KCNQ3: variants seen among roughly 807,000 people sequenced by gnomAD.
KCNQ3 encodes the protein potassium voltage-gated channel subfamily Q member 3.
Under a neutral mutation model 92.5 loss-of-function variants are expected in KCNQ3, and 30 were observed. The ratio of observed to expected loss-of-function variants is 0.32; its 90% confidence interval spans 0.24 to 0.44. KCNQ3 has a LOEUF of 0.44. KCNQ3 is among the 20% of genes least tolerant of loss of function. The pLI is 1.00. For synonymous variants in KCNQ3, 450 were observed against 468.8 expected, an observed-to-expected ratio of 0.96 and a Z score of 0.52; for missense variants, 913 against 1,140.3, an observed-to-expected ratio of 0.80 and a Z score of 2.87.
chr8:132,469,317 G>T lies in KCNQ3; in HGVS notation c.386+10830C>A, dbSNP rs1451857465. Among the ~76,000 whole-genome samples the T allele has an allele frequency of 2.6e-5, 4 of 152,206 alleles. 1 individual carries two copies. Among genetic ancestry groups the T allele is most frequent in the African/African-American group, 9.7e-5 (4 of 41,446 alleles). On this transcript the variant is annotated intron_variant, in intron 1 of 14. Coordinates refer to ENST00000388996, the MANE Select transcript of KCNQ3 (RefSeq NM_004519.4). ...AAGGTCCTAATTGTGGGGCCCACCT[G>T]ATCCTTCTACAGCTTTAGGAAAATA... is the stretch of plus-strand genomic sequence containing the variant.
In KCNQ3 at chr8:132,175,598, G is replaced by A. The variant is rs1479652323; in HGVS notation, c.788C>T (p.Thr263Met). Reference protein sequence around the residue: ...AICAHSKELITAWYIGFLTLI... With the variant: ...AICAHSKELIMAWYIGFLTLI... ...TGTCAGGAAACCGATGTACCAGGCCGTGATGAGTTCCTGAAAGAATGAACA... is the reference window on the plus strand; with the variant it reads ...TGTCAGGAAACCGATGTACCAGGCCATGATGAGTTCCTGAAAGAATGAACA... The change falls in exon 5 of 15, where the codon ACG becomes ATG. Residue 263 changes from threonine (T) to methionine (M), a missense_variant. By Grantham distance (81) the Thr-to-Met change is moderately conservative (BLOSUM62 -1). Transcript: ENST00000388996. 1.2e-6 allele frequency: 2 copies of A among 1,614,080 alleles called. No individual in the cohort carries two copies. Among genetic ancestry groups the A allele is most frequent in the Non-Finnish European group, 1.7e-6 (2 of 1,179,962 alleles).
intron 1 of KCNQ3, among the ~76,000 whole-genome samples, chr8:132,274,053 G>C (rs1816247559): frequency 6.6e-6 from 1 of 152,178 alleles, no homozygotes; most frequent in African/African-American, 2.4e-5. Context: ...TTCCAAAGTT[G>C]CTTCCACATT....
At chr8:132,208,472 T>C (rs544189840) in intron 1 of KCNQ3, among the ~76,000 whole-genome samples, 9 of 152,252 alleles carry the variant, frequency 5.9e-5, no homozygotes, top group African/African-American at 1.9e-4. Flanking sequence ...CCACATCCGC[T>C]TCAGTTTTGT....
At chr8:132,173,373 G>C (rs1208572858) in intron 6 of KCNQ3, among the ~76,000 whole-genome samples, 4 of 152,108 alleles carry the variant, frequency 2.6e-5, no homozygotes, top group African/African-American at 9.7e-5. Context: ...AGGTAGGGCT[G>C]CAAATAGAGA....
chr8:132,257,481 C>A (rs1390036085), intron 1 of KCNQ3, among the ~76,000 whole-genome samples: 1 of 152,034 alleles, frequency 6.6e-6, no homozygotes, highest in Non-Finnish European at 1.5e-5. Context: ...CGCGGTGGCT[C>A]ATGCCTGTAA....
At chr8:132,248,674 G>GGGCT (rs1358832749) in intron 1 of KCNQ3, among the ~76,000 whole-genome samples, 4 of 152,120 alleles carry the variant, frequency 2.6e-5, no homozygotes, top group Non-Finnish European at 5.9e-5. Context: ...GGTTCACCTG[G>GGGCT]GGCTGCACCT....
At chr8:132,455,813 A>C (rs998683192) in intron 1 of KCNQ3, among the ~76,000 whole-genome samples, 1 of 151,846 alleles carries the variant, frequency 6.6e-6, no homozygotes, top group African/African-American at 2.4e-5. Flanking sequence ...GTGATCTCGG[A>C]TCACTGCAAG....
chr8:132,394,001 T>A lies in KCNQ3; in HGVS notation c.386+86146A>T, dbSNP rs145491646. Among the ~76,000 whole-genome samples, 314 of 152,298 alleles carry A rather than the reference T, an allele frequency of 2.1e-3. 2 individuals carry two copies. The highest frequency in any genetic ancestry group is 2.0e-3 in the Non-Finnish European group (135 of 68,032). On this transcript the variant is annotated intron_variant, in intron 1 of 14. Transcript: ENST00000388996. ...CTGTGTGCCCTTGCTGTGCTCAGTG[T>A]GATAAAGCTCTAGTCAGACCCAGGC... is the stretch of plus-strand genomic sequence containing the variant.
chr8:132,178,951 G>C (rs1269167330), intron 4 of KCNQ3, among the ~76,000 whole-genome samples: 1 of 147,716 alleles, frequency 6.8e-6, no homozygotes, highest in African/African-American at 2.5e-5. Context: ...CCTATTAAAA[G>C]AGACCTAGGT....
At chr8:132,197,646 T>G (rs940383706) in intron 1 of KCNQ3, among the ~76,000 whole-genome samples, 1 of 147,480 alleles carries the variant, frequency 6.8e-6, no homozygotes, top group Admixed American at 6.6e-5. Flanking sequence ...GTCTCTGATA[T>G]ATCCTGGATG....
chr8:132,145,647 C>T (rs926775188), intron 9 of KCNQ3, among the ~76,000 whole-genome samples: 1 of 152,204 alleles, frequency 6.6e-6, no homozygotes, highest in African/African-American at 2.4e-5. Context: ...ACTTCTGTCT[C>T]TAATGAACTT....
intron 1 of KCNQ3, among the ~76,000 whole-genome samples, chr8:132,402,873 G>A (rs568442493): frequency 4.0e-5 from 6 of 151,764 alleles, no homozygotes; most frequent in East Asian, 3.9e-4. Context: ...AAAATTAGCC[G>A]GGGCGTGGCA....
At chr8:132,207,429 T>A (rs1458923031) in intron 1 of KCNQ3, among the ~76,000 whole-genome samples, 1 of 152,184 alleles carries the variant, frequency 6.6e-6, no homozygotes, top group East Asian at 1.9e-4. Context: ...TCTTATAAGA[T>A]TGCCAGCTGA....
In KCNQ3 at chr8:132,428,525, T is replaced by TCA. The variant is rs1166097316; in HGVS notation, c.386+51620_386+51621dup. Among the ~76,000 whole-genome samples, 9 of 151,822 alleles carry TCA rather than the reference T, an allele frequency of 5.9e-5. No homozygotes were observed. In the East Asian group the frequency reaches 7.7e-4, roughly 13 times the overall value. Reference sequence around the variant, plus strand: ...TTGCCCCCAGAACCCAGGAGAAAATTCACACACACACACATACACACACAT... The same window carrying TCA: ...TTGCCCCCAGAACCCAGGAGAAAATTCACACACACACACACATACACACACAT... On this transcript the variant is annotated intron_variant, in intron 1 of 14. Coordinates refer to ENST00000388996, the MANE Select transcript of KCNQ3 (RefSeq NM_004519.4).
intron 1 of KCNQ3, among the ~76,000 whole-genome samples, chr8:132,448,785 C>G (rs1415675362): frequency 6.6e-6 from 1 of 152,178 alleles, no homozygotes; most frequent in Non-Finnish European, 1.5e-5. Flanking sequence ...AATTTTTAAT[C>G]CATTTGTAAA....
chr8:132,337,198 G>GT (rs1222775430), intron 1 of KCNQ3, among the ~76,000 whole-genome samples: 2 of 152,230 alleles, frequency 1.3e-5, no homozygotes, highest in Admixed American at 1.3e-4. Flanking sequence ...GTCAAGAACT[G>GT]TAAGGCTGAG....
chr8:132,360,586 C>T (rs1284937449), intron 1 of KCNQ3, among the ~76,000 whole-genome samples: 4 of 152,228 alleles, frequency 2.6e-5, no homozygotes, highest in African/African-American at 9.6e-5. Flanking sequence ...CAGCCCAGCC[C>T]TTGATCTAAG....
At chr8:132,409,171 G>A (rs924630726) in intron 1 of KCNQ3, among the ~76,000 whole-genome samples, 1 of 152,108 alleles carries the variant, frequency 6.6e-6, no homozygotes, top group African/African-American at 2.4e-5. Context: ...CAAGACTACA[G>A]CAATTCATAG....
At chr8:132,137,301 C>T (rs984146274) in intron 12 of KCNQ3, among the ~76,000 whole-genome samples, 2 of 152,164 alleles carry the variant, frequency 1.3e-5, no homozygotes, top group African/African-American at 4.8e-5. Flanking sequence ...TGATTCCCAG[C>T]TCTGCTCCCT....
Sources: allele counts gnomAD v4.1 joint callset (sites outside exome capture counted in the v4.1 genomes callset), GRCh38; gene constraint gnomAD v4.1.1; transcripts MANE v1.5; gene names NCBI Gene and HGNC (gene_info 2026-07-23, HGNC 2026-07-21).